Variants in PCSK2 observed in about 807,000 individuals in gnomAD.
PCSK2 encodes the protein proprotein convertase subtilisin/kexin type 2, also known as neuroendocrine convertase 2.
PCSK2 carries 14 observed loss-of-function variants against 69.7 expected under a neutral mutation model. The ratio of observed to expected loss-of-function variants is 0.20; its 90% CI spans 0.13 to 0.31. The LOEUF (loss-of-function observed/expected upper bound fraction) is 0.31, where lower values mean the gene tolerates loss of function less well. Ranked by LOEUF, PCSK2 falls within the 10% of genes least tolerant of loss-of-function variation. The pLI is 1.00. For missense variants in PCSK2, 544 were observed against 842.5 expected, an observed-to-expected ratio of 0.65 and a Z score of 4.39; for synonymous variants, 307 against 320.7, an observed-to-expected ratio of 0.96 and a Z score of 0.46.
At chr20:17,439,497 C>T (rs533978805) in intron 8 of PCSK2, among the ~76,000 whole-genome samples, 1 of 152,256 alleles carries the variant, frequency 6.6e-6, no homozygotes, top group Admixed American at 6.5e-5. Flanking sequence ...GTCCCTGTGT[C>T]CGTGTTTGTA....
At chr20:17,354,876 G>A (rs16998987) in intron 2 of PCSK2, among the ~76,000 whole-genome samples, 1,911 of 151,912 alleles carry the variant, frequency 0.013, 14 homozygotes, top group East Asian at 0.035. Flanking sequence ...CATGATTAAT[G>A]GGGTTACATG....
At chr20:17,317,410 C>A (rs1989721880) in intron 2 of PCSK2, among the ~76,000 whole-genome samples, 2 of 152,200 alleles carry the variant, frequency 1.3e-5, no homozygotes, top group Admixed American at 1.3e-4. Flanking sequence ...CCAGTTGACC[C>A]ATCTTTTCTT....
At chr20:17,238,755 A>G (rs926890120) in intron 1 of PCSK2, among the ~76,000 whole-genome samples, 7 of 152,134 alleles carry the variant, frequency 4.6e-5, no homozygotes, top group Non-Finnish European at 1.0e-4. Flanking sequence ...TACCCGTAGA[A>G]TTTTTATAAA....
intron 2 of PCSK2, among the ~76,000 whole-genome samples, chr20:17,345,159 G>A (rs530365644): frequency 2.8e-4 from 42 of 152,258 alleles, no homozygotes; most frequent in African/African-American, 9.4e-4. Flanking sequence ...GTCAGTGTGC[G>A]TGTGCTCAGG....
chr20:17,386,881 C>T (rs1322808910), intron 5 of PCSK2, among the ~76,000 whole-genome samples: 2 of 152,206 alleles, frequency 1.3e-5, no homozygotes, highest in Non-Finnish European at 2.9e-5. Flanking sequence ...TCATCCAGCA[C>T]ATCCTCCCAA....
At chr20:17,481,549 C>G (rs529641609) in intron 11 of PCSK2, 35 bp from the exon 12 acceptor site, 14 of 1,596,286 alleles carry the variant, frequency 8.8e-6, no homozygotes, top group Non-Finnish European at 1.2e-5. Context: ...GCACCCACCA[C>G]TGCTTATCCT....
intron 2 of PCSK2, among the ~76,000 whole-genome samples, chr20:17,309,959 C>T (rs942311600): frequency 7.2e-5 from 11 of 151,880 alleles, no homozygotes; most frequent in Non-Finnish European, 1.3e-4. Context: ...TTAATAGGCT[C>T]ATAGTTTTGC....
chr20:17,471,104 G>T (rs960912281), intron 11 of PCSK2, among the ~76,000 whole-genome samples: 11 of 152,084 alleles, frequency 7.2e-5, no homozygotes, highest in Non-Finnish European at 1.3e-4. Context: ...TATGAGAGAG[G>T]GCAGGAGGGG....
intron 8 of PCSK2, among the ~76,000 whole-genome samples, chr20:17,447,005 C>T (rs1039036885): frequency 4.6e-5 from 7 of 152,064 alleles, no homozygotes; most frequent in Non-Finnish European, 1.0e-4. Flanking sequence ...GTAATCCCAG[C>T]ATTTTGGGAG....
intron 1 of PCSK2, among the ~76,000 whole-genome samples, chr20:17,232,179 C>T (rs1347427682): frequency 2.0e-5 from 3 of 152,210 alleles, no homozygotes; most frequent in Non-Finnish European, 4.4e-5. Context: ...AAGATGATTA[C>T]ATAGGGCATG....
At chr20:17,472,186 G>A (rs2033213376) in intron 11 of PCSK2, among the ~76,000 whole-genome samples, 1 of 152,192 alleles carries the variant, frequency 6.6e-6, no homozygotes, top group Non-Finnish European at 1.5e-5. Context: ...AGCCCCTCTG[G>A]GCACCCTGAG....
At chr20:17,358,022 C>T (rs912309686) in intron 2 of PCSK2, among the ~76,000 whole-genome samples, 11 of 151,494 alleles carry the variant, frequency 7.3e-5, no homozygotes, top group African/African-American at 2.4e-4. Flanking sequence ...ATAATGGTAA[C>T]GGGTCAGGCA....
In PCSK2 at chr20:17,453,961, A is replaced by G; in HGVS notation, c.1101+4A>G. ...AAGGAACCCCGAGGCCGGTGTGGTG[A>G]GCACGTCCCCTTCTGTCCTTGTTTC... On this transcript the variant is annotated splice_donor_region_variant and intron_variant, in intron 9 of 11. Coordinates refer to ENST00000262545, the MANE Select transcript of PCSK2 (RefSeq NM_002594.5). The surrounding 1 kb of genome is among the most constrained non-coding windows in gnomAD (Gnocchi z 4.0). The G allele has an allele frequency of 1.9e-6, 3 of 1,614,078 alleles. No homozygotes were observed. The highest frequency in any genetic ancestry group is 2.5e-6 in the Non-Finnish European group (3 of 1,180,018).
intron 6 of PCSK2, among the ~76,000 whole-genome samples, chr20:17,426,599 C>A (rs1259369401): frequency 6.6e-6 from 1 of 152,206 alleles, no homozygotes; most frequent in Non-Finnish European, 1.5e-5. Context: ...TGGAGACTGG[C>A]AAGTCCAAAA....
chr20:17,297,591 C>CT (rs1212948421), intron 2 of PCSK2, among the ~76,000 whole-genome samples: 1 of 152,230 alleles, frequency 6.6e-6, no homozygotes, highest in Non-Finnish European at 1.5e-5. Flanking sequence ...TAGCCCCTCC[C>CT]TGGAGCTTGC....
intron 6 of PCSK2, among the ~76,000 whole-genome samples, chr20:17,427,985 A>C (rs1200085811): frequency 6.6e-6 from 1 of 152,176 alleles, no homozygotes; most frequent in East Asian, 1.9e-4. Flanking sequence ...TCCAGATTCA[A>C]AAGCCCAGGG....
At chr20:17,256,742 T>A (rs1473018341) in intron 1 of PCSK2, among the ~76,000 whole-genome samples, 2 of 152,072 alleles carry the variant, frequency 1.3e-5, no homozygotes, top group Non-Finnish European at 2.9e-5. Flanking sequence ...TCATCTACAT[T>A]AGGTATTTCT....
intron 1 of PCSK2, among the ~76,000 whole-genome samples, chr20:17,251,005 CAGG>C (rs1371359897): frequency 1.3e-5 from 2 of 152,058 alleles, no homozygotes; most frequent in Admixed American, 1.3e-4. Flanking sequence ...GCGGCTGAGG[CAGG>C]AGAATTGCTT....
At chr20:17,388,142 G>A (rs1568629098) in intron 5 of PCSK2, among the ~76,000 whole-genome samples, 3 of 152,134 alleles carry the variant, frequency 2.0e-5, no homozygotes, top group Non-Finnish European at 2.9e-5. Flanking sequence ...AAGTATATCA[G>A]TACGGGAAGG....
Sources: allele counts gnomAD v4.1 joint callset (sites outside exome capture counted in the v4.1 genomes callset), GRCh38; gene constraint gnomAD v4.1.1; non-coding constraint Gnocchi (gnomAD v3.1); transcripts MANE v1.5; gene names NCBI Gene and HGNC (gene_info 2026-07-23, HGNC 2026-07-21).